Variants in SSR3 observed in about 807,000 individuals in gnomAD.
SSR3 encodes the protein translocon-associated protein subunit gamma.
In SSR3, 10 loss-of-function variants were observed where a neutral mutation model predicts 22.1. The observed-to-expected ratio is 0.45, with a 90% CI of 0.28 to 0.77. The LOEUF (loss-of-function observed/expected upper bound fraction) is 0.77. SSR3 is among the 30% of genes least tolerant of loss of function. The probability of loss-of-function intolerance (pLI) is 0.13; values close to 1 mark genes in which losing one functional copy is unlikely to be tolerated. For missense variants in SSR3, 181 were observed against 220.5 expected (o/e 0.82, Z 1.13); for synonymous variants, 104 against 82.5 (o/e 1.26, Z -1.42).
At chr3:156,546,054 A>T (rs1045201328) in intron 3 of SSR3, among the ~76,000 whole-genome samples, 2 of 152,316 alleles carry the variant, frequency 1.3e-5, no homozygotes, top group Non-Finnish European at 2.9e-5. Context: ...CTTTTCTGTC[A>T]AGCCCTAAAT....
At chr3:156,552,292 A>T (rs911221936) in intron 2 of SSR3, among the ~76,000 whole-genome samples, 15 of 147,596 alleles carry the variant, frequency 1.0e-4, no homozygotes, top group African/African-American at 3.7e-4. Context: ...CAACAGAGTG[A>T]GAGTCTGTCT....
At chr3:156,554,526 T>C (rs1477978434) in intron 1 of SSR3, among the ~76,000 whole-genome samples, 1 of 152,220 alleles carries the variant, frequency 6.6e-6, no homozygotes, top group African/African-American at 2.4e-5. Context: ...GATGCACTTA[T>C]AATTCAGTGG....
intron 1 of SSR3, chr3:156,554,602 A>G: frequency 4.8e-6 from 1 of 206,756 alleles, no homozygotes; most frequent in Non-Finnish European, 9.6e-6. Context: ...AAATTTCGTA[A>G]CGGCAAGCAA....
intron 1 of SSR3, 26 bp from the exon 2 acceptor site, chr3:156,553,807 G>A: frequency 3.2e-6 from 5 of 1,571,826 alleles, no homozygotes; most frequent in Non-Finnish European, 4.3e-6. Flanking sequence ...AGGGGGAAGG[G>A]TACAAAAAGA....
rs1486771803 is a variant in SSR3, at chr3:156,553,758, T to C, written c.157A>G (p.Met53Val). ...AAAACAGCAGACTGAATAAGATCCA[T>C]ATGCCATATTCGCCAGTATAACCCT... ...PIWLYWRIWH[M>V]DLIQSAVLYS... The change falls in exon 2 of 5, where the codon ATG becomes GTG. Residue 53 changes from methionine (M) to valine (V), a missense_variant. Transcript: ENST00000265044. 1 of 1,611,910 alleles carries C rather than the reference T, an allele frequency of 6.2e-7. No individual in the cohort carries two copies. The highest frequency in any genetic ancestry group is 1.7e-5 in the Admixed American group (1 of 59,652).
At chr3:156,544,273 C>T (rs1195073534) in intron 4 of SSR3, 35 bp downstream of exon 4, 6 of 1,481,580 alleles carry the variant, frequency 4.0e-6, no homozygotes, top group Non-Finnish European at 5.4e-6. Context: ...TGTTTCTTGA[C>T]TTCTAAAAAA....
chr3:156,554,885 G>C (rs1039249761), intron 1 of SSR3, 72 bp downstream of exon 1: 3 of 1,547,864 alleles, frequency 1.9e-6, no homozygotes, highest in Non-Finnish European at 2.6e-6. Context: ...CCTGCTCGCC[G>C]GGTCCTGCCA....
At position 156,541,831 on chromosome 3, in the gene SSR3, T is replaced by C. The variant is rs1719531919; in HGVS notation, c.*1372A>G. 6.6e-6 allele frequency: 1 copy of C among 152,142 alleles called. No individual in the cohort carries two copies. The highest frequency in any genetic ancestry group is 6.6e-5 in the Admixed American group (1 of 15,266). 9.4% of individuals were successfully genotyped at this position (152,142 alleles called of 1,614,324 possible). A position where few individuals can be genotyped will look rare whatever the true frequency, so the allele number is the denominator to read the frequency against. On this transcript the variant is annotated 3_prime_UTR_variant, in exon 5 of 5. Transcript: ENST00000265044. ...CAGTTGCAGAAAATGATGATCTGGG[T>C]CATTATGCAAATGCATTCCTGCCTG...
At chr3:156,547,954 T>C (rs1002001078) in intron 3 of SSR3, among the ~76,000 whole-genome samples, 3 of 152,240 alleles carry the variant, frequency 2.0e-5, no homozygotes, top group Non-Finnish European at 4.4e-5. Context: ...TCCTTTTAAA[T>C]GGTTTCTGGT....
intron 2 of SSR3, among the ~76,000 whole-genome samples, chr3:156,550,762 C>A (rs1216092483): frequency 6.6e-6 from 1 of 152,126 alleles, no homozygotes; most frequent in African/African-American, 2.4e-5. Context: ...CGTTAAAAAA[C>A]AAAAACAACT....
intron 2 of SSR3, among the ~76,000 whole-genome samples, chr3:156,552,568 T>C (rs1274553532): frequency 6.6e-6 from 1 of 152,130 alleles, no homozygotes; most frequent in Non-Finnish European, 1.5e-5. Flanking sequence ...GAACTATGGA[T>C]GAAAAGATAA....
intron 2 of SSR3, 34 bp downstream of exon 2, chr3:156,553,621 G>A (rs770443987): frequency 1.3e-5 from 20 of 1,599,726 alleles, no homozygotes; most frequent in Non-Finnish European, 8.5e-7. Flanking sequence ...AATATAACAT[G>A]TAGTACGTAC....
chr3:156,546,829 T>C (rs1220816777), intron 3 of SSR3, among the ~76,000 whole-genome samples: 2 of 152,224 alleles, frequency 1.3e-5, no homozygotes, highest in East Asian at 3.8e-4. Context: ...TTAATGAATC[T>C]CACATTCTCC....
intron 3 of SSR3, among the ~76,000 whole-genome samples, chr3:156,546,634 G>A (rs980986040): frequency 3.3e-5 from 5 of 152,114 alleles, no homozygotes; most frequent in Admixed American, 3.3e-4. Context: ...CATTGCCAAC[G>A]GTTCTGCCTA....
Position 156,553,646 on chromosome 3 carries a change from C to T in SSR3, c.260+9G>A, listed in dbSNP as rs761135018. ...GTAGTACGTACTTTCACTTGAAAAA[C>T]ATACTTACTTGTGCTTGAGAACAAA... On this transcript the variant is annotated intron_variant, in intron 2 of 4. Transcript: ENST00000265044. 3.8e-5 allele frequency: 61 copies of T among 1,608,456 alleles called. No homozygotes were observed. The highest frequency in any genetic ancestry group is 5.0e-5 in the Non-Finnish European group (59 of 1,178,832).
chr3:156,552,290 TGA>T (rs1208677318), intron 2 of SSR3, among the ~76,000 whole-genome samples: 1 of 140,012 alleles, frequency 7.1e-6, no homozygotes, highest in East Asian at 2.0e-4. Flanking sequence ...GGCAACAGAG[TGA>T]GAGTCTGTCT....
At chr3:156,549,892 A>C (rs1719889600) in intron 2 of SSR3, among the ~76,000 whole-genome samples, 1 of 152,222 alleles carries the variant, frequency 6.6e-6, no homozygotes. Context: ...CTAAGGGGGC[A>C]GAGAGCTGTC....
rs1009784026 is a variant in SSR3 at position 156,546,408 on chromosome 3, C to T, written c.360-1969G>A. Among the ~76,000 whole-genome samples, 6 of 152,144 alleles carry T rather than the reference C, an allele frequency of 3.9e-5. No homozygotes were observed. The East Asian group carries it at 9.6e-4, about 24-fold the overall frequency. On this transcript the variant is annotated intron_variant, in intron 3 of 4. Transcript: ENST00000265044. The stretch of plus-strand genomic sequence containing the variant: ...CCAGTCTCTGGTAGTATCTTTATAG[C>T]ACTGTGAAAATCGACTAATACAAGA...
rs144335106 is a variant in SSR3, at chr3:156,548,798, A to T, written c.359+107T>A. On this transcript the variant is annotated intron_variant, in intron 3 of 4. Coordinates refer to ENST00000265044, the MANE Select transcript of SSR3 (RefSeq NM_007107.5). Reference sequence around the variant, plus strand: ...ATTACTACTACTACTACAATTCCAAAATTTACCTCAGACAATTCCAAAATC... The same window carrying T: ...ATTACTACTACTACTACAATTCCAATATTTACCTCAGACAATTCCAAAATC... 217 of 1,442,246 alleles carry T rather than the reference A, an allele frequency of 1.5e-4. 1 individual carries two copies. In the African/African-American group the frequency reaches 2.8e-3, roughly 18 times the overall value. The allele number at this position is 1,442,246 out of a possible 1,614,324, so 89.3% of individuals were successfully genotyped here. A position where few individuals can be genotyped will look rare whatever the true frequency, so the allele number is the denominator to read the frequency against.
Sources: gnomAD v4.1 joint callset for allele counts (sites outside exome capture counted in the v4.1 genomes callset) on GRCh38, gnomAD v4.1.1 for gene constraint, MANE v1.5 for transcripts, NCBI Gene and HGNC (gene_info 2026-07-23, HGNC 2026-07-21) for gene names.